The following ZNF226 variants were observed in gnomAD, a reference collection of about 807,000 sequenced individuals.
ZNF226 encodes Kruppel-associated box protein.
ZNF226 carries 6 observed loss-of-function variants against 11.4 expected under a neutral mutation model. The observed-to-expected ratio is 0.53, with a 90% CI of 0.29 to 1.04. The LOEUF is 1.04. Among genes scored for constraint, ZNF226 ranks in the 50% least tolerant of loss-of-function variants. ZNF226 has a pLI of 0.08. For synonymous variants in ZNF226, 350 were observed against 322.8 expected, an observed-to-expected ratio of 1.08 and a Z score of -0.90; for missense variants, 1,058 against 956.5, an observed-to-expected ratio of 1.11 and a Z score of -1.40.
chr19:44,177,292 G>A lies in ZNF226; in HGVS notation c.2030G>A (p.Gly677Glu). The change falls in exon 6 of 6, where the codon GGG becomes GAG. Residue 677 changes from glycine (G) to glutamate (E), a missense_variant. Coordinates refer to ENST00000337433, the MANE Select transcript of ZNF226 (RefSeq NM_001032373.2). ...AAGCCATACAAATGTGATGAGTGTG[G>A]GAAGGGCTTCAAGTGGAGCTTGAAC... The part of the protein sequence containing the change: ...GDKPYKCDEC[G>E]KGFKWSLNLD... 1 of 1,614,152 alleles carries A rather than the reference G, an allele frequency of 6.2e-7. No homozygotes were observed. Among genetic ancestry groups the A allele is most frequent in the Middle Eastern group, 1.6e-4 (1 of 6,062 alleles).
chr19:44,173,896 C>T (rs1359366518), intron 5 of ZNF226: 2 of 152,236 alleles, frequency 1.3e-5, no homozygotes, highest in African/African-American at 4.8e-5. Flanking sequence ...ACGTTTGTCT[C>T]CTCACTGGAG....
downstream of ZNF226, among the ~76,000 whole-genome samples, chr19:44,178,632 C>T (rs2122532342): frequency 6.6e-6 from 1 of 152,054 alleles, no homozygotes; most frequent in Admixed American, 6.5e-5. Context: ...CACCCTTTTT[C>T]CTAGTGGTGG....
Position 44,175,695 on chromosome 19 carries a change from G to T in ZNF226, c.433G>T (p.Asp145Tyr), listed in dbSNP as rs1452962407. 2 of 1,612,888 alleles carry T rather than the reference G, an allele frequency of 1.2e-6. No individual in the cohort carries two copies. The highest frequency in any genetic ancestry group is 1.7e-5 in the Admixed American group (1 of 59,792). The change falls in exon 6 of 6, where the codon GAT (aspartate) becomes TAT (tyrosine). Residue 145 changes from aspartate (D) to tyrosine (Y), a missense_variant. Coordinates refer to ENST00000337433, the MANE Select transcript of ZNF226 (RefSeq NM_001032373.2). ...AGAACTGTCTATTCAAATTTCTGAA[G>T]ATGAGAACTATATAGTAAATAAAGC... ...GTELSIQISE[D>Y]ENYIVNKADG...
intron 4 of ZNF226, 42 bp downstream of exon 4, chr19:44,172,256 GT>G: frequency 6.3e-7 from 1 of 1,583,746 alleles, no homozygotes; most frequent in Non-Finnish European, 8.6e-7. Flanking sequence ...TGCCCTTGGA[GT>G]TTTAAGGCTT....
At chr19:44,174,909 G>C in intron 5 of ZNF226, 1 of 1,388,492 alleles carries the variant, frequency 7.2e-7, no homozygotes, top group Non-Finnish European at 1.0e-6. Flanking sequence ...TAACTCACTT[G>C]GTGTACCCCT....
At chr19:44,190,068 C>T in the ZNF226 span, among the ~76,000 whole-genome samples, 1 of 152,168 alleles carries the variant, frequency 6.6e-6, no homozygotes, top group African/African-American at 2.4e-5. Context: ...AAAGACAATG[C>T]ACAGAACTAC....
the ZNF226 span, among the ~76,000 whole-genome samples, chr19:44,188,326 G>A: frequency 6.6e-6 from 1 of 151,996 alleles, no homozygotes; most frequent in East Asian, 1.9e-4. Flanking sequence ...ATATATTTAC[G>A]TAGCCCTCTG....
chr19:44,191,216 G>T, the ZNF226 span, among the ~76,000 whole-genome samples: 7 of 152,114 alleles, frequency 4.6e-5, no homozygotes, highest in Non-Finnish European at 1.0e-4. Flanking sequence ...GAATCTGATT[G>T]CAGATACCTT....
chr19:44,168,765 A>G (rs1282328482), intron 2 of ZNF226, among the ~76,000 whole-genome samples: 2 of 152,016 alleles, frequency 1.3e-5, no homozygotes, highest in East Asian at 3.9e-4. Context: ...TTTTGGATAA[A>G]ATGTCTGCCA....
the ZNF226 span, among the ~76,000 whole-genome samples, chr19:44,189,362 T>G: frequency 6.6e-6 from 1 of 152,224 alleles, no homozygotes; most frequent in Non-Finnish European, 1.5e-5. Context: ...TGAGACCTAA[T>G]GTAACTATGT....
At chr19:44,187,281 G>A in the ZNF226 span, among the ~76,000 whole-genome samples, 5 of 151,828 alleles carry the variant, frequency 3.3e-5, no homozygotes, top group South Asian at 2.1e-4. The surrounding 1 kb of genome is among the most constrained non-coding windows in gnomAD (Gnocchi z 4.0). Context: ...TGATGACTAC[G>A]TCCAATGCCT....
At chr19:44,197,215 ATGTG>A in the ZNF226 span, among the ~76,000 whole-genome samples, 1 of 152,104 alleles carries the variant, frequency 6.6e-6, no homozygotes, top group Non-Finnish European at 1.5e-5. Flanking sequence ...CGGGGTGCAC[ATGTG>A]TGTGTGTTTC....
the ZNF226 span, among the ~76,000 whole-genome samples, chr19:44,196,430 GGCCAA>G: frequency 6.6e-6 from 1 of 152,106 alleles, no homozygotes; most frequent in African/African-American, 2.4e-5. Flanking sequence ...ACATTTATAT[GGCCAA>G]GCTATCAAAA....
intron 4 of ZNF226, chr19:44,172,434 T>C: frequency 2.1e-6 from 1 of 484,958 alleles, no homozygotes. Context: ...CTATGCCTTG[T>C]CTATTCTTTT....
At chr19:44,166,088 A>G (rs1969339488) in intron 2 of ZNF226, among the ~76,000 whole-genome samples, 1 of 152,176 alleles carries the variant, frequency 6.6e-6, no homozygotes, top group Admixed American at 6.5e-5. Context: ...CTGAGTCTAG[A>G]CCTGAGTCTT....
At chr19:44,170,720 C>T (rs190103525) in intron 3 of ZNF226, among the ~76,000 whole-genome samples, 119 of 151,992 alleles carry the variant, frequency 7.8e-4, no homozygotes, top group African/African-American at 2.5e-3. Context: ...GGTGACAGAG[C>T]GAGACTCCGT....
At chr19:44,170,578 CA>C (rs1196561427) in intron 3 of ZNF226, among the ~76,000 whole-genome samples, 4 of 151,980 alleles carry the variant, frequency 2.6e-5, no homozygotes, top group Non-Finnish European at 5.9e-5. Context: ...ACTAAAAATA[CA>C]AAAAATGAGC....
intron 2 of ZNF226, chr19:44,166,672 C>G (rs10404927): frequency 2.6e-5 from 4 of 152,006 alleles, no homozygotes; most frequent in African/African-American, 7.3e-5. Flanking sequence ...GCCTTTCTGT[C>G]AAGTTTTTCT....
chr19:44,191,854 A>G, the ZNF226 span, among the ~76,000 whole-genome samples: 1 of 152,166 alleles, frequency 6.6e-6, no homozygotes. Context: ...ATTTTGATAA[A>G]ACAAAAAATC....
Sources: allele counts gnomAD v4.1 joint callset (sites outside exome capture counted in the v4.1 genomes callset), GRCh38; gene constraint gnomAD v4.1.1; non-coding constraint Gnocchi (gnomAD v3.1); transcripts MANE v1.5; gene names NCBI Gene and HGNC (gene_info 2026-07-23, HGNC 2026-07-21).